Variants in PCDHB7 observed in about 807,000 individuals in gnomAD.
The protein encoded by PCDHB7 is protocadherin beta-7.
For missense variants in PCDHB7, 1,148 were observed against 1,011.6 expected (o/e 1.13, Z -1.83); for synonymous variants, 542 against 463.1 (o/e 1.17, Z -2.19).
In PCDHB7 at chr5:141,173,876, G is replaced by C. The variant is rs782119997; in HGVS notation, c.1041G>C (p.Leu347=). The part of the protein sequence containing the change: ...VTDINDNRPE[L]LLSSLTSPIA... ...ATATAAACGATAATCGACCCGAGCTGCTCCTGTCTTCACTTACTAGCCCAA... is the reference window on the plus strand; with the variant it reads ...ATATAAACGATAATCGACCCGAGCTCCTCCTGTCTTCACTTACTAGCCCAA... The change falls in exon 1 of 1, where the codon CTG becomes CTC. Residue 347 remains leucine (L), a synonymous_variant. Coordinates refer to ENST00000231137, the MANE Select transcript of PCDHB7 (RefSeq NM_018940.4). The C allele has an allele frequency of 6.8e-6, 11 of 1,613,540 alleles. No homozygotes were observed. In the Admixed American group the frequency reaches 1.0e-4, roughly 15 times the overall value.
At position 141,174,618 on chromosome 5, in the gene PCDHB7, G is replaced by T; in HGVS notation, c.1783G>T (p.Asp595Tyr). 6.2e-7 allele frequency: 1 copy of T among 1,610,162 alleles called. No homozygotes were observed. Among genetic ancestry groups the T allele is most frequent in the Non-Finnish European group, 8.5e-7 (1 of 1,179,632 alleles). Residue 595 changes from aspartate (D) to tyrosine (Y), a missense_variant, in exon 1 of 1, where the codon GAC becomes TAC. Coordinates refer to ENST00000231137, the MANE Select transcript of PCDHB7 (RefSeq NM_018940.4). ...LVTKVVAVDG[D>Y]SGQNAWLSYQ... ...GACCAAGGTGGTGGCGGTGGACGGC[G>T]ACTCGGGCCAGAACGCCTGGCTGTC...
rs1753341590 is a variant in PCDHB7 at position 141,174,950 on chromosome 5, G to C, written c.2115G>C (p.Leu705=). The C allele has an allele frequency of 1.7e-5, 27 of 1,611,294 alleles. No homozygotes were observed. Among genetic ancestry groups the C allele is most frequent in the Non-Finnish European group, 2.3e-5 (27 of 1,178,254 alleles). ...CGCTCTTCCTCCTCTCGGTGCTCCTGTTCGTGGCGGTGCGGCTGTGCAGGA... is the reference window on the plus strand; with the variant it reads ...CGCTCTTCCTCCTCTCGGTGCTCCTCTTCGTGGCGGTGCGGCTGTGCAGGA... ...VSSLFLLSVL[L]FVAVRLCRRS... is the part of the protein sequence containing the mutation. Residue 705 remains leucine, a synonymous_variant, in exon 1 of 1, where the codon CTG becomes CTC. Transcript: ENST00000231137.
rs1753318750 is a variant in PCDHB7, at chr5:141,174,488, G to T, written c.1653G>T (p.Val551=). The stretch of plus-strand genomic sequence containing the variant: ...GCGAGGCGCTGGTGCGCGTGCTGGT[G>T]CTGGACGCCAACGACAACTCGCCCT... ...LSSEALVRVL[V]LDANDNSPFV... The change falls in exon 1 of 1, where the codon GTG becomes GTT. Residue 551 remains valine (V), a synonymous_variant. Transcript: ENST00000231137. 6.2e-7 allele frequency: 1 copy of T among 1,611,112 alleles called. No individual in the cohort carries two copies.
In PCDHB7 at chr5:141,174,821, G is replaced by A; in HGVS notation, c.1986G>A (p.Leu662=). ...CCACCGCCACGCTGCACGTGCTCCT[G>A]GTGGACGGCTTCTCCCAGCCCTACC... The part of the protein sequence containing the change: ...RSATATLHVL[L]VDGFSQPYLR... The change falls in exon 1 of 1, where the codon CTG becomes CTA. Residue 662 remains leucine (L), a synonymous_variant. Transcript: ENST00000231137. The A allele has an allele frequency of 1.9e-6, 3 of 1,612,266 alleles. No individual in the cohort carries two copies. The highest frequency in any genetic ancestry group is 2.5e-6 in the Non-Finnish European group (3 of 1,179,778).
rs145994411 is a variant in PCDHB7 at position 141,173,902 on chromosome 5, T to C, written c.1067T>C (p.Ile356Thr). Residue 356 changes from isoleucine to threonine, a missense_variant, in exon 1 of 1, where the codon ATT becomes ACT. Coordinates refer to ENST00000231137, the MANE Select transcript of PCDHB7 (RefSeq NM_018940.4). ...ELLLSSLTSP[I>T]AENSPETVVA... ...CTCCTGTCTTCACTTACTAGCCCAA[T>C]TGCAGAAAACTCACCCGAGACAGTC... is the stretch of plus-strand genomic sequence containing the variant. 637 of 1,612,616 alleles carry C rather than the reference T, an allele frequency of 4.0e-4. 2 individuals carry two copies. Among genetic ancestry groups the C allele is most frequent in the Non-Finnish European group, 4.5e-4 (530 of 1,178,822 alleles).
chr5:141,172,696 T>C lies in PCDHB7; in HGVS notation c.-140T>C, dbSNP rs1219529584. 1 of 658,616 alleles carries C rather than the reference T, an allele frequency of 1.5e-6. No individual in the cohort carries two copies. 40.8% of individuals were successfully genotyped at this position (658,616 alleles called of 1,614,324 possible). A position where few individuals can be genotyped will look rare whatever the true frequency, so the allele number is the denominator to read the frequency against. On this transcript the variant is annotated 5_prime_UTR_variant, in exon 1 of 1. Transcript: ENST00000231137. The stretch of plus-strand genomic sequence containing the variant: ...AGCATAGGAAAGGAAACAGTGGTAA[T>C]AGGAATTGGGGTAAAATGAGGATCC...
chr5:141,174,036 T>C lies in PCDHB7; in HGVS notation c.1201T>C (p.Tyr401His), dbSNP rs201300608. The part of the protein sequence containing the change: ...FILKPSVENF[Y>H]TLVTEKPLDR... ...CCTGAAGCCATCTGTCGAAAACTTC[T>C]ATACTCTGGTAACAGAGAAACCTTT... Residue 401 changes from tyrosine to histidine, a missense_variant, in exon 1 of 1, where the codon TAT (tyrosine) becomes CAT (histidine). Transcript: ENST00000231137. 7.9e-5 allele frequency: 128 copies of C among 1,614,074 alleles called. No homozygotes were observed. The highest frequency in any genetic ancestry group is 9.0e-5 in the Non-Finnish European group (106 of 1,180,046).
In PCDHB7 at chr5:141,176,072, A is replaced by C. The variant is rs1753375059; in HGVS notation, c.*855A>C. ...CTGTGCCTTCTCCTTTCTTCAGAAC[A>C]TATGACTTTCATTTCCCAGAAAAAA... On this transcript the variant is annotated 3_prime_UTR_variant, in exon 1 of 1. Transcript: ENST00000231137. 1 of 167,214 alleles carries C rather than the reference A, an allele frequency of 6.0e-6. No individual in the cohort carries two copies. The highest frequency in any genetic ancestry group is 2.4e-5 in the African/African-American group (1 of 41,482). The allele number at this position is 167,214 out of a possible 1,614,324, so 10.4% of individuals were successfully genotyped here.
chr5:141,174,437 A>G lies in PCDHB7; in HGVS notation c.1602A>G (p.Thr534=). 1 of 1,611,854 alleles carries G rather than the reference A, an allele frequency of 6.2e-7. No homozygotes were observed. The highest frequency in any genetic ancestry group is 8.5e-7 in the Non-Finnish European group (1 of 1,179,778). The stretch of plus-strand genomic sequence containing the variant: ...CGTTCGAGTTCCGCGTGGGCGCCAC[A>G]GACCGCGGCTCCCCCGCGCTGAGCA... ...LQAFEFRVGA[T]DRGSPALSSE... is the part of the protein sequence containing the mutation. Residue 534 remains threonine, a synonymous_variant, in exon 1 of 1, where the codon ACA becomes ACG. Coordinates refer to ENST00000231137, the MANE Select transcript of PCDHB7 (RefSeq NM_018940.4).
In PCDHB7 at chr5:141,175,164, A is replaced by C; in HGVS notation, c.2329A>C (p.Thr777Pro). ...PIIPNLLPQS[T>P]GREVEENRPF... ...TATCCCCAACCTGCTACCCCAGAGC[A>C]CAGGCAGGGAAGTGGAAGAAAATCG... The change falls in exon 1 of 1, where the codon ACA (threonine) becomes CCA (proline). Residue 777 changes from threonine to proline, a missense_variant. By Grantham distance (38) the Thr-to-Pro change is conservative. Coordinates refer to ENST00000231137, the MANE Select transcript of PCDHB7 (RefSeq NM_018940.4). 6.2e-7 allele frequency: 1 copy of C among 1,613,622 alleles called. No homozygotes were observed. Among genetic ancestry groups the C allele is most frequent in the Non-Finnish European group, 8.5e-7 (1 of 1,179,732 alleles).
rs1563915799 is a variant in PCDHB7, at chr5:141,173,818, C to T, written c.983C>T (p.Ser328Phe). 5.0e-6 allele frequency: 8 copies of T among 1,614,074 alleles called. No individual in the cohort carries two copies. The highest frequency in any genetic ancestry group is 3.3e-5 in the Admixed American group (2 of 60,010). Reference protein sequence around the residue: ...TIQAKDGGGLSGKCTVVVDVT... With the variant: ...TIQAKDGGGLFGKCTVVVDVT... ...CAGGCCAAAGACGGCGGCGGGCTTT[C>T]TGGAAAATGCACTGTAGTGGTTGAT... Residue 328 changes from serine (S) to phenylalanine (F), a missense_variant, in exon 1 of 1, where the codon TCT becomes TTT. Coordinates refer to ENST00000231137, the MANE Select transcript of PCDHB7 (RefSeq NM_018940.4).
chr5:141,174,470 G>C lies in PCDHB7; in HGVS notation c.1635G>C (p.Ala545=), dbSNP rs1326457745. Residue 545 remains alanine, a synonymous_variant, in exon 1 of 1, where the codon GCG becomes GCC. Transcript: ENST00000231137. ...DRGSPALSSE[A]LVRVLVLDAN... ...GCTCCCCCGCGCTGAGCAGCGAGGCGCTGGTGCGCGTGCTGGTGCTGGACG... is the reference window on the plus strand; with the variant it reads ...GCTCCCCCGCGCTGAGCAGCGAGGCCCTGGTGCGCGTGCTGGTGCTGGACG... 1 of 1,611,304 alleles carries C rather than the reference G, an allele frequency of 6.2e-7. No individual in the cohort carries two copies.
chr5:141,173,899 C>A lies in PCDHB7; in HGVS notation c.1064C>A (p.Pro355Gln). 2.5e-6 allele frequency: 4 copies of A among 1,612,560 alleles called. No individual in the cohort carries two copies. The highest frequency in any genetic ancestry group is 3.4e-6 in the Non-Finnish European group (4 of 1,178,818). Residue 355 changes from proline to glutamine, a missense_variant, in exon 1 of 1, where the codon CCA (proline) becomes CAA (glutamine). Transcript: ENST00000231137. ...PELLLSSLTS[P>Q]IAENSPETVV... ...CTGCTCCTGTCTTCACTTACTAGCC[C>A]AATTGCAGAAAACTCACCCGAGACA...
In PCDHB7 at chr5:141,175,592, A is replaced by G. The variant is rs1443442583; in HGVS notation, c.*375A>G. 4.3e-6 allele frequency: 1 copy of G among 233,094 alleles called. No homozygotes were observed. Among genetic ancestry groups the G allele is most frequent in the Admixed American group, 5.1e-5 (1 of 19,450 alleles). 14.4% of individuals were successfully genotyped at this position (233,094 alleles called of 1,614,324 possible). The stretch of plus-strand genomic sequence containing the variant: ...GCATAGACTGTAGAGTATCTTTTTA[A>G]GCATTTTTAAAAAATGCTTTTAATG... On this transcript the variant is annotated 3_prime_UTR_variant, in exon 1 of 1. Transcript: ENST00000231137.
rs782789172 is a variant in PCDHB7, at chr5:141,173,596, A to T, written c.761A>T (p.Asn254Ile). The T allele has an allele frequency of 1.2e-6, 2 of 1,614,166 alleles. No individual in the cohort carries two copies. Among genetic ancestry groups the T allele is most frequent in the Non-Finnish European group, 1.7e-6 (2 of 1,180,036 alleles). Reference protein sequence around the residue: ...RSLYKVQVPENSPVGSMVVSV... With the variant: ...RSLYKVQVPEISPVGSMVVSV... ...CTCTACAAGGTGCAGGTGCCCGAAA[A>T]TAGCCCCGTTGGTTCCATGGTTGTC... The change falls in exon 1 of 1, where the codon AAT becomes ATT. Residue 254 changes from asparagine (N) to isoleucine (I), a missense_variant. Asn to Ile is a moderately radical substitution (Grantham distance 149). Transcript: ENST00000231137.
rs782412716 is a variant in PCDHB7 at position 141,175,113 on chromosome 5, A to T, written c.2278A>T (p.Asn760Tyr). 6.2e-7 allele frequency: 1 copy of T among 1,614,184 alleles called. No individual in the cohort carries two copies. Among genetic ancestry groups the T allele is most frequent in the Non-Finnish European group, 8.5e-7 (1 of 1,180,036 alleles). ...EVCLTGGSGTNEFKFLKPIIP... is the reference protein window; with the variant it reads ...EVCLTGGSGTYEFKFLKPIIP... ...GTGCCTGACTGGAGGCTCCGGGACA[A>T]ATGAGTTCAAGTTTCTGAAACCAAT... Residue 760 changes from asparagine (N) to tyrosine (Y), a missense_variant, in exon 1 of 1, where the codon AAT (asparagine) becomes TAT (tyrosine). Coordinates refer to ENST00000231137, the MANE Select transcript of PCDHB7 (RefSeq NM_018940.4).
In PCDHB7 at chr5:141,174,438, G is replaced by A; in HGVS notation, c.1603G>A (p.Asp535Asn). ...GTTCGAGTTCCGCGTGGGCGCCACAGACCGCGGCTCCCCCGCGCTGAGCAG... is the reference window on the plus strand; with the variant it reads ...GTTCGAGTTCCGCGTGGGCGCCACAAACCGCGGCTCCCCCGCGCTGAGCAG... ...QAFEFRVGAT[D>N]RGSPALSSEA... The change falls in exon 1 of 1, where the codon GAC becomes AAC. Residue 535 changes from aspartate to asparagine, a missense_variant. Transcript: ENST00000231137. 1 of 1,611,882 alleles carries A rather than the reference G, an allele frequency of 6.2e-7. No homozygotes were observed. Among genetic ancestry groups the A allele is most frequent in the Non-Finnish European group, 8.5e-7 (1 of 1,179,788 alleles).
At position 141,173,773 on chromosome 5, in the gene PCDHB7, A is replaced by C. The variant is rs1415716355; in HGVS notation, c.938A>C (p.Gln313Pro). 2.5e-6 allele frequency: 4 copies of C among 1,614,052 alleles called. No homozygotes were observed. The highest frequency in any genetic ancestry group is 3.4e-6 in the Non-Finnish European group (4 of 1,180,018). ...GCGCAATTGGACTATGAGGCAATTCAAACTTACACATTAACTATTCAGGCC... is the reference window on the plus strand; with the variant it reads ...GCGCAATTGGACTATGAGGCAATTCCAACTTACACATTAACTATTCAGGCC... ...LKAQLDYEAI[Q>P]TYTLTIQAKD... Residue 313 changes from glutamine (Q) to proline (P), a missense_variant, in exon 1 of 1, where the codon CAA (glutamine) becomes CCA (proline). Physicochemically the swap from Gln to Pro is moderately conservative, Grantham distance 76 (BLOSUM62 -1). Transcript: ENST00000231137.
chr5:141,174,061 T>C lies in PCDHB7; in HGVS notation c.1226T>C (p.Leu409Ser), dbSNP rs1753293677. Residue 409 changes from leucine to serine, a missense_variant, in exon 1 of 1, where the codon TTG (leucine) becomes TCG (serine). By Grantham distance (145) the Leu-to-Ser change is moderately radical. Transcript: ENST00000231137. ...NFYTLVTEKP[L>S]DRERNTEYNI... is the part of the protein sequence containing the mutation. The stretch of plus-strand genomic sequence containing the variant: ...TATACTCTGGTAACAGAGAAACCTT[T>C]GGATCGAGAGAGGAACACTGAGTAC... The C allele has an allele frequency of 1.1e-5, 17 of 1,613,910 alleles. No individual in the cohort carries two copies. The highest frequency in any genetic ancestry group is 1.4e-5 in the Non-Finnish European group (16 of 1,179,934).
Sources: allele counts gnomAD v4.1 joint callset, GRCh38; gene constraint gnomAD v4.1.1; transcripts MANE v1.5; gene names NCBI Gene and HGNC (gene_info 2026-07-23, HGNC 2026-07-21).